Variants in MINDY4 observed in about 807,000 individuals in gnomAD.
MINDY4 encodes MINDY lysine 48 deubiquitinase 4, also known as probable ubiquitin carboxyl-terminal hydrolase MINDY-4.
A neutral mutation model predicts 87.0 loss-of-function variants in MINDY4; 68 were observed. The ratio of observed to expected loss-of-function variants is 0.78; its 90% CI spans 0.64 to 0.96. The LOEUF (loss-of-function observed/expected upper bound fraction) is 0.96. Ranked by LOEUF, MINDY4 falls within the 40% of genes least tolerant of loss-of-function variation. The pLI, the probability that MINDY4 is intolerant of heterozygous loss-of-function variation, is 0.00. For synonymous variants in MINDY4, 379 were observed against 363.2 expected, an observed-to-expected ratio of 1.04 and a Z score of -0.50; for missense variants, 919 against 928.2, an observed-to-expected ratio of 0.99 and a Z score of 0.13.
At chr7:30,880,354 A>G (rs1398333398) in intron 15 of MINDY4, among the ~76,000 whole-genome samples, 1 of 147,148 alleles carries the variant, frequency 6.8e-6, no homozygotes, top group East Asian at 2.1e-4. Flanking sequence ...GTTACCCAAG[A>G]ATTTAAAGGA....
chr7:30,818,309 C>T (rs1163291082), intron 5 of MINDY4, among the ~76,000 whole-genome samples: 2 of 152,000 alleles, frequency 1.3e-5, no homozygotes, highest in Non-Finnish European at 2.9e-5. Flanking sequence ...ATACAGTTGT[C>T]TATTTTATTT....
intron 6 of MINDY4, 144 bp from the exon 7 acceptor site, chr7:30,836,514 G>A (rs1178701860): frequency 1.5e-6 from 1 of 688,470 alleles, no homozygotes; most frequent in Non-Finnish European, 2.5e-6. Context: ...TCAGAACAGA[G>A]CTGGGGTGAA....
intron 17 of MINDY4, among the ~76,000 whole-genome samples, chr7:30,891,616 G>T (rs1760806585): frequency 6.6e-6 from 1 of 152,176 alleles, no homozygotes; most frequent in South Asian, 2.1e-4. Context: ...GGTCCTAGTG[G>T]AGAGCGGCTG....
At chr7:30,845,911 T>A in intron 9 of MINDY4, among the ~76,000 whole-genome samples, 1 of 152,204 alleles carries the variant, frequency 6.6e-6, no homozygotes, top group African/African-American at 2.4e-5. Flanking sequence ...GCAGCAGTAC[T>A]TGGTGTTTTT....
At chr7:30,884,407 G>A (rs948374908) in intron 17 of MINDY4, among the ~76,000 whole-genome samples, 2 of 152,214 alleles carry the variant, frequency 1.3e-5, no homozygotes, top group South Asian at 2.1e-4. Flanking sequence ...GGCACCTGCA[G>A]GTCGCTTTCC....
chr7:30,857,461 G>GTT lies in MINDY4; in HGVS notation c.1678-1768_1678-1767dup, dbSNP rs1176212442. On this transcript the variant is annotated intron_variant, in intron 12 of 17. Transcript: ENST00000265299. The stretch of plus-strand genomic sequence containing the variant: ...AAGAGGAGAGATCCATATCCACCTT[G>GTT]TTTTTTTTTTTTTTTTTTTTTTTTT... Among the ~76,000 whole-genome samples, 489 of 58,988 alleles carry GTT rather than the reference G, an allele frequency of 8.3e-3. 138 individuals are homozygous for GTT. The highest frequency in any genetic ancestry group is 0.011 in the Non-Finnish European group (383 of 35,042). The allele number at this position is 58,988 out of a possible 152,430, so 38.7% of individuals were successfully genotyped here. A position where few individuals can be genotyped will look rare whatever the true frequency, so the allele number is the denominator to read the frequency against.
At chr7:30,794,861 C>T (rs1475743032) in intron 5 of MINDY4, among the ~76,000 whole-genome samples, 2 of 152,148 alleles carry the variant, frequency 1.3e-5, no homozygotes, top group African/African-American at 2.4e-5. Flanking sequence ...CTCTCCCTCT[C>T]GCTAGAGTGC....
intron 9 of MINDY4, among the ~76,000 whole-genome samples, chr7:30,842,494 G>A (rs1189903061): frequency 6.6e-6 from 1 of 152,204 alleles, no homozygotes; most frequent in Non-Finnish European, 1.5e-5. Context: ...GAGCACATAT[G>A]CACCTACCTA....
intron 11 of MINDY4, among the ~76,000 whole-genome samples, chr7:30,853,117 T>C (rs1239708279): frequency 3.3e-5 from 5 of 152,194 alleles, no homozygotes; most frequent in Non-Finnish European, 7.4e-5. Context: ...CCCTCCCCTG[T>C]TGGGGCCACA....
At chr7:30,850,104 C>A (rs547411154) in intron 9 of MINDY4, among the ~76,000 whole-genome samples, 23 of 152,358 alleles carry the variant, frequency 1.5e-4, no homozygotes, top group Admixed American at 1.0e-3. Context: ...GCACTGCTGG[C>A]TGGGCCTCCC....
At chr7:30,813,108 C>T (rs907717615) in intron 5 of MINDY4, among the ~76,000 whole-genome samples, 4 of 152,120 alleles carry the variant, frequency 2.6e-5, no homozygotes, top group Non-Finnish European at 5.9e-5. Context: ...ACCAAGGACA[C>T]GGGATTTTGG....
chr7:30,777,081 C>T (rs772330866), intron 1 of MINDY4, among the ~76,000 whole-genome samples: 7 of 150,364 alleles, frequency 4.7e-5, no homozygotes, highest in Non-Finnish European at 8.8e-5. Context: ...GTAATCATAG[C>T]TCACTGTGGC....
At chr7:30,843,409 C>G (rs1789102191) in intron 9 of MINDY4, among the ~76,000 whole-genome samples, 1 of 152,140 alleles carries the variant, frequency 6.6e-6, no homozygotes, top group Non-Finnish European at 1.5e-5. Flanking sequence ...CAAGCCTTGG[C>G]CCTTGCAGGA....
rs559959056 is a variant in MINDY4, at chr7:30,884,177, C to T, written c.2225+1184C>T. 8.9e-4 allele frequency among the ~76,000 whole-genome samples: 136 copies of T among 152,252 alleles called. 1 individual carries two copies. The highest frequency in any genetic ancestry group is 6.8e-3 in the Middle Eastern group (2 of 294). On this transcript the variant is annotated intron_variant, in intron 17 of 17. Transcript: ENST00000265299. Reference sequence around the variant, plus strand: ...GCAAGCTTAGGGTTGATGCCCACCACAGGAAAGCGAGCCCTTGAGAGGAGC... The same window carrying T: ...GCAAGCTTAGGGTTGATGCCCACCATAGGAAAGCGAGCCCTTGAGAGGAGC...
At chr7:30,853,329 C>G in intron 11 of MINDY4, 65 bp from the exon 12 acceptor site, 1 of 1,361,982 alleles carries the variant, frequency 7.3e-7, no homozygotes, top group East Asian at 2.3e-5. Context: ...GGAGCAGAAG[C>G]TAATTCAGGA....
intron 9 of MINDY4, among the ~76,000 whole-genome samples, chr7:30,846,014 A>T (rs1051224553): frequency 6.6e-6 from 1 of 152,190 alleles, no homozygotes; most frequent in Non-Finnish European, 1.5e-5. Context: ...ACAGGCCAGG[A>T]ACGGCCCTCA....
At chr7:30,800,290 C>T (rs1787608623) in intron 5 of MINDY4, among the ~76,000 whole-genome samples, 1 of 152,144 alleles carries the variant, frequency 6.6e-6, no homozygotes, top group Admixed American at 6.5e-5. Flanking sequence ...ATGGGCCAAG[C>T]AGGGATCTTT....
rs186924545 is a variant in MINDY4, at chr7:30,874,079, C to T, written c.1810-1416C>T. ...CGAAAACACCTCTATAAACTCTACC[C>T]TCCAGAGTTTACACTGGTCAAGGGC... On this transcript the variant is annotated intron_variant, in intron 14 of 17. Coordinates refer to ENST00000265299, the MANE Select transcript of MINDY4 (RefSeq NM_032222.3). Among the ~76,000 whole-genome samples, 11 of 152,366 alleles carry T rather than the reference C, an allele frequency of 7.2e-5. No individual in the cohort carries two copies. In the East Asian group the frequency reaches 2.1e-3, roughly 29 times the overall value.
intron 14 of MINDY4, among the ~76,000 whole-genome samples, chr7:30,873,864 G>A (rs1315827581): frequency 6.6e-6 from 1 of 152,182 alleles, no homozygotes; most frequent in Non-Finnish European, 1.5e-5. Flanking sequence ...TTATTTTACA[G>A]CAGACATTTC....
Sources: allele counts gnomAD v4.1 joint callset (sites outside exome capture counted in the v4.1 genomes callset), GRCh38; gene constraint gnomAD v4.1.1; transcripts MANE v1.5; gene names NCBI Gene and HGNC (gene_info 2026-07-23, HGNC 2026-07-21).